HEXB: variants seen among roughly 807,000 people sequenced by gnomAD.
HEXB encodes beta-hexosaminidase subunit beta.
A neutral mutation model predicts 71.2 loss-of-function variants in HEXB; 51 were observed. That is an observed-to-expected ratio of 0.72 (90% CI 0.57 to 0.90). HEXB has a LOEUF of 0.90. HEXB is among the 40% of genes least tolerant of loss of function. The pLI is 0.00. For synonymous variants in HEXB, 266 were observed against 249.3 expected, an observed-to-expected ratio of 1.07 and a Z score of -0.63; for missense variants, 617 against 677.0, an observed-to-expected ratio of 0.91 and a Z score of 0.98.
intron 1 of HEXB, among the ~76,000 whole-genome samples, chr5:74,660,952 C>T (rs1179980939): frequency 2.0e-5 from 3 of 151,898 alleles, no homozygotes; most frequent in South Asian, 2.1e-4. Flanking sequence ...AAAAAGACAC[C>T]GGGCATAACA....
chr5:74,678,836 C>T (rs1349643071), intron 1 of HEXB, among the ~76,000 whole-genome samples: 1 of 152,038 alleles, frequency 6.6e-6, no homozygotes, highest in Non-Finnish European at 1.5e-5. Flanking sequence ...TTAAAAATCA[C>T]CCATACAAAT....
chr5:74,671,441 T>C (rs1390664336), intron 1 of HEXB, among the ~76,000 whole-genome samples: 1 of 152,038 alleles, frequency 6.6e-6, no homozygotes, highest in Admixed American at 6.6e-5. Flanking sequence ...TATGGTACAT[T>C]TGTATACAAT....
upstream of HEXB, among the ~76,000 whole-genome samples, chr5:74,684,611 G>C (rs1232588515): frequency 2.0e-5 from 3 of 152,158 alleles, no homozygotes; most frequent in Non-Finnish European, 4.4e-5. Context: ...GACAGCGTGA[G>C]CGGCGACCCG....
intron 6 of HEXB, among the ~76,000 whole-genome samples, chr5:74,708,681 A>G (rs1024050288): frequency 1.4e-4 from 22 of 152,074 alleles, no homozygotes; most frequent in Non-Finnish European, 2.2e-4. Context: ...AACAAAGATC[A>G]AAAGAGACAA....
chr5:74,690,974 C>T (rs1447647817), intron 2 of HEXB, among the ~76,000 whole-genome samples: 1 of 152,118 alleles, frequency 6.6e-6, no homozygotes, highest in African/African-American at 2.4e-5. Context: ...ATGGTCATTA[C>T]GTTGCCAAGG....
At chr5:74,654,919 G>A (rs568660618) in intron 1 of HEXB, among the ~76,000 whole-genome samples, 9 of 152,272 alleles carry the variant, frequency 5.9e-5, no homozygotes, top group East Asian at 1.9e-4. Context: ...CTGGGACAGC[G>A]GGGGAGTGGA....
chr5:74,706,403 G>A (rs1749389637), intron 6 of HEXB, among the ~76,000 whole-genome samples: 1 of 152,244 alleles, frequency 6.6e-6, no homozygotes, highest in African/African-American at 2.4e-5. Context: ...TTCCATCTGA[G>A]GTACCAGGTT....
At chr5:74,684,206 C>T (rs1748796148), upstream of HEXB, among the ~76,000 whole-genome samples, 1 of 152,244 alleles carries the variant, frequency 6.6e-6, no homozygotes, top group South Asian at 2.1e-4. Context: ...TGGTTTTGGT[C>T]TGCCTAGCGT....
At chr5:74,683,824 T>C (rs1275066883), upstream of HEXB, among the ~76,000 whole-genome samples, 39 of 146,468 alleles carry the variant, frequency 2.7e-4, no homozygotes, top group Non-Finnish European at 5.7e-4. Flanking sequence ...TTTCTTTCTT[T>C]TTTTTTTTTT....
chr5:74,643,279 C>G (rs1747940920), intron 1 of HEXB, among the ~76,000 whole-genome samples: 1 of 152,208 alleles, frequency 6.6e-6, no homozygotes, highest in Non-Finnish European at 1.5e-5. Context: ...CCCACAGCAT[C>G]TCTCAGCCAA....
At chr5:74,716,333 G>A (rs1470248751) in intron 8 of HEXB, among the ~76,000 whole-genome samples, 1 of 152,178 alleles carries the variant, frequency 6.6e-6, no homozygotes, top group Non-Finnish European at 1.5e-5. Context: ...AATTCTCTCT[G>A]CAAATAGCTT....
intron 5 of HEXB, among the ~76,000 whole-genome samples, chr5:74,702,023 T>C (rs1438720044): frequency 6.6e-6 from 1 of 151,578 alleles, no homozygotes; most frequent in Admixed American, 6.6e-5. Flanking sequence ...TACTTGTATG[T>C]CTCTTTGGCC....
upstream of HEXB, among the ~76,000 whole-genome samples, chr5:74,684,972 C>T (rs537562961): frequency 3.3e-4 from 51 of 152,290 alleles, 1 homozygote; most frequent in African/African-American, 1.1e-3. Context: ...CCACCACGTA[C>T]GGCCAGCACC....
At chr5:74,678,873 G>A (rs1269605028) in intron 1 of HEXB, among the ~76,000 whole-genome samples, 1 of 151,752 alleles carries the variant, frequency 6.6e-6, no homozygotes, top group Non-Finnish European at 1.5e-5. Context: ...ACAACACAAA[G>A]GGCAAAAAAG....
rs138711578 is a variant in HEXB, at chr5:74,720,370, T to C, written c.1418-58T>C. On this transcript the variant is annotated intron_variant, in intron 11 of 13. Coordinates refer to ENST00000261416, the MANE Select transcript of HEXB (RefSeq NM_000521.4). ...ATGGAGGAAACAAATCTTGATGAAA[T>C]ATTGCCTCTGTGTATAAGCTTTGAA... 60 of 1,218,932 alleles carry C rather than the reference T, an allele frequency of 4.9e-5. No individual in the cohort carries two copies. The African/African-American group carries it at 7.3e-4, about 15-fold the overall frequency. The allele number at this position is 1,218,932 out of a possible 1,614,324, so 75.5% of individuals were successfully genotyped here.
chr5:74,693,037 G>A (rs1561216763), intron 2 of HEXB, among the ~76,000 whole-genome samples: 1 of 152,176 alleles, frequency 6.6e-6, no homozygotes. Flanking sequence ...GTGAGACAAA[G>A]CTGAACTAAG....
rs1427454956 is a variant in HEXB, at chr5:74,716,685, GA to G, written c.1169+15del. ...TTCTACATTCAAAAGTAAGTTGTTT[GA>G]AAGCCTATTTCTGTATTAATGCTTT... On this transcript the variant is annotated intron_variant, in intron 9 of 13. Transcript: ENST00000261416. The G allele has an allele frequency of 6.6e-7, 1 of 1,514,744 alleles. No homozygotes were observed. Among genetic ancestry groups the G allele is most frequent in the Non-Finnish European group, 9.1e-7 (1 of 1,093,578 alleles). The allele number at this position is 1,514,744 out of a possible 1,614,324, so 93.8% of individuals were successfully genotyped here.
intron 5 of HEXB, among the ~76,000 whole-genome samples, chr5:74,698,394 T>A (rs1351346570): frequency 7.2e-5 from 10 of 138,622 alleles, no homozygotes; most frequent in African/African-American, 2.6e-4. Flanking sequence ...ATTATTATTA[T>A]TATTTTTTTT....
intron 1 of HEXB, among the ~76,000 whole-genome samples, chr5:74,661,989 C>T (rs972200089): frequency 1.1e-4 from 16 of 152,086 alleles, no homozygotes; most frequent in Admixed American, 2.0e-4. Flanking sequence ...GACAACCCTA[C>T]GATTACGAGA....
Sources: allele counts gnomAD v4.1 joint callset (sites outside exome capture counted in the v4.1 genomes callset), GRCh38; gene constraint gnomAD v4.1.1; transcripts MANE v1.5; gene names NCBI Gene and HGNC (gene_info 2026-07-23, HGNC 2026-07-21).